Variants in DLGAP2 observed in about 807,000 individuals in gnomAD.
DLGAP2 encodes the protein DLG associated protein 2.
A neutral mutation model predicts 100.3 loss-of-function variants in DLGAP2; 26 were observed. The observed-to-expected ratio is 0.26, with a 90% CI of 0.19 to 0.36. The LOEUF (loss-of-function observed/expected upper bound fraction) is 0.36. Among genes scored for constraint, DLGAP2 ranks in the 10% least tolerant of loss-of-function variants. The pLI is 1.00. For missense variants in DLGAP2, 1,858 were observed against 1,453.2 expected, an observed-to-expected ratio of 1.28 and a Z score of -4.53; for synonymous variants, 886 against 630.1, an observed-to-expected ratio of 1.41 and a Z score of -6.08.
chr8:1,127,089 C>T (rs911693383), intron 2 of DLGAP2, among the ~76,000 whole-genome samples: 3 of 144,810 alleles, frequency 2.1e-5, no homozygotes, highest in Non-Finnish European at 4.6e-5. Context: ...GACCCCCACC[C>T]TGTCCCAGCA....
chr8:1,013,680 C>T (rs569123085), intron 2 of DLGAP2, among the ~76,000 whole-genome samples: 18 of 99,634 alleles, frequency 1.8e-4, no homozygotes, highest in Admixed American at 4.3e-4. Flanking sequence ...TGTGTGAGAC[C>T]AGGACAGACG....
At chr8:1,307,263 C>T (rs1442305964) in intron 3 of DLGAP2, among the ~76,000 whole-genome samples, 1 of 152,052 alleles carries the variant, frequency 6.6e-6, no homozygotes, top group Non-Finnish European at 1.5e-5. Flanking sequence ...GACCAATAAG[C>T]ACAGCAACAT....
intron 3 of DLGAP2, among the ~76,000 whole-genome samples, chr8:1,497,947 G>T (rs1424010124): frequency 1.3e-5 from 2 of 152,196 alleles, no homozygotes; most frequent in Non-Finnish European, 1.5e-5. Flanking sequence ...AGGAGATCCT[G>T]AGAACATGTG....
Position 1,701,277 on chromosome 8 carries a change from C to T in DLGAP2, c.3039C>T (p.Asp1013=). 6.3e-7 allele frequency: 1 copy of T among 1,583,760 alleles called. No individual in the cohort carries two copies. The highest frequency in any genetic ancestry group is 8.6e-7 in the Non-Finnish European group (1 of 1,165,780). Residue 1013 remains aspartate (D), a synonymous_variant, in exon 15 of 15, where the codon GAC becomes GAT. Transcript: ENST00000637795. ...GAGAAAAATCCCTGGACCTGCCCGACAGACAACGCCAGGAAGCCCGGAGGC... is the reference window on the plus strand; with the variant it reads ...GAGAAAAATCCCTGGACCTGCCCGATAGACAACGCCAGGAAGCCCGGAGGC... ...ITREKSLDLP[D]RQRQEARRRL... is the part of the protein sequence containing the mutation.
At chr8:1,201,598 G>A (rs1188032756) in intron 2 of DLGAP2, among the ~76,000 whole-genome samples, 4 of 152,232 alleles carry the variant, frequency 2.6e-5, no homozygotes, top group Non-Finnish European at 5.9e-5. Context: ...GGCACGGCAG[G>A]GGTAGACACA....
intron 3 of DLGAP2, among the ~76,000 whole-genome samples, chr8:1,414,368 C>T (rs1011873751): frequency 2.6e-5 from 4 of 152,172 alleles, no homozygotes; most frequent in Non-Finnish European, 4.4e-5. Flanking sequence ...TGAGGACCTG[C>T]CAAGGGCAAG....
At chr8:1,195,025 T>C (rs375924582) in intron 2 of DLGAP2, among the ~76,000 whole-genome samples, 1 of 152,236 alleles carries the variant, frequency 6.6e-6, no homozygotes, top group Non-Finnish European at 1.5e-5. Context: ...CCTGAGAAGC[T>C]TGGGCACACT....
chr8:1,295,814 C>T (rs1413179517), intron 3 of DLGAP2, among the ~76,000 whole-genome samples: 2 of 152,200 alleles, frequency 1.3e-5, no homozygotes, highest in African/African-American at 4.8e-5. Flanking sequence ...AAGAGATGTT[C>T]TGTTTTGCTC....
chr8:1,164,179 G>C (rs1585114045), intron 2 of DLGAP2, among the ~76,000 whole-genome samples: 5 of 127,258 alleles, frequency 3.9e-5, no homozygotes, highest in African/African-American at 1.6e-4. Flanking sequence ...CGTCATTTTG[G>C]TTTGTGGGGA....
Position 876,999 on chromosome 8 carries a change from G to GTT in DLGAP2, c.19-30900_19-30899dup, listed in dbSNP as rs78770250. 6.4e-4 allele frequency among the ~76,000 whole-genome samples: 92 copies of GTT among 143,142 alleles called. 2 individuals carry two copies. The highest frequency in any genetic ancestry group is 4.9e-3 in the South Asian group (22 of 4,534). The allele number at this position is 143,142 out of a possible 152,430, so 93.9% of individuals were successfully genotyped here. On this transcript the variant is annotated intron_variant, in intron 1 of 14. Transcript: ENST00000637795. ...ATGGTTATTTCTATATTTTTACCAG[G>GTT]TTTTTTTTTTTTTTATTTTTTGCAA...
intron 3 of DLGAP2, among the ~76,000 whole-genome samples, chr8:1,361,161 A>G (rs972967659): frequency 2.6e-5 from 4 of 152,100 alleles, no homozygotes; most frequent in African/African-American, 7.2e-5. Flanking sequence ...ACCACACCAG[A>G]TTTGCAACAG....
chr8:1,430,007 C>CATATATATATATATATATAT (rs60682299), intron 3 of DLGAP2, among the ~76,000 whole-genome samples: 13 of 54,372 alleles, frequency 2.4e-4, no homozygotes, highest in Non-Finnish European at 3.9e-4. Context: ...CATATATATA[C>CATATATATATATATATATAT]ATATATATAT....
chr8:1,054,300 T>C (rs1389327859), intron 2 of DLGAP2, among the ~76,000 whole-genome samples: 2 of 152,002 alleles, frequency 1.3e-5, no homozygotes, highest in Non-Finnish European at 2.9e-5. Context: ...ACACCATCCA[T>C]GCATAAAAGT....
intron 4 of DLGAP2, among the ~76,000 whole-genome samples, chr8:1,529,918 G>T (rs1190839294): frequency 1.3e-5 from 2 of 152,180 alleles, no homozygotes; most frequent in African/African-American, 4.8e-5. Flanking sequence ...TTTCAAAAGG[G>T]GAGGGAGTGT....
At chr8:1,184,469 A>T (rs1286157610) in intron 2 of DLGAP2, among the ~76,000 whole-genome samples, 1 of 152,196 alleles carries the variant, frequency 6.6e-6, no homozygotes, top group Non-Finnish European at 1.5e-5. Context: ...GGCTGAGGCC[A>T]TTCTTCTCTG....
intron 2 of DLGAP2, among the ~76,000 whole-genome samples, chr8:1,108,675 CGGGTCTGTGAGGTGTGCAT>C (rs1165349612): frequency 9.0e-5 from 11 of 121,988 alleles, no homozygotes; most frequent in Admixed American, 1.8e-4. Flanking sequence ...GAGGTGTGCA[CGGGTCTGTGAGGTGTGCAT>C]GGGTCTGTGA....
intron 1 of DLGAP2, among the ~76,000 whole-genome samples, chr8:886,821 G>A (rs1797932679): frequency 6.6e-6 from 1 of 152,212 alleles, no homozygotes; most frequent in Non-Finnish European, 1.5e-5. Context: ...TTGCCATGTG[G>A]CACTGAGAAG....
chr8:1,689,746 C>T (rs1799209444), intron 12 of DLGAP2, among the ~76,000 whole-genome samples: 1 of 152,136 alleles, frequency 6.6e-6, no homozygotes, highest in Non-Finnish European at 1.5e-5. Flanking sequence ...ACGCTGAAAG[C>T]CAGTGATGGG....
At chr8:1,373,223 G>A (rs1802290515) in intron 3 of DLGAP2, among the ~76,000 whole-genome samples, 1 of 151,538 alleles carries the variant, frequency 6.6e-6, no homozygotes, top group South Asian at 2.1e-4. Flanking sequence ...GCAAGACTCT[G>A]TGCTGGAGAA....
Sources: gnomAD v4.1 joint callset for allele counts (sites outside exome capture counted in the v4.1 genomes callset) on GRCh38, gnomAD v4.1.1 for gene constraint, MANE v1.5 for transcripts, NCBI Gene and HGNC (gene_info 2026-07-23, HGNC 2026-07-21) for gene names.